Variants in PGPEP1 observed in about 807,000 individuals in gnomAD.
PGPEP1 encodes the protein pyroglutamyl-peptidase 1.
Under a neutral mutation model 24.1 loss-of-function variants are expected in PGPEP1, and 15 were observed. The observed-to-expected ratio is 0.62, with a 90% CI of 0.42 to 0.96. The LOEUF is 0.96. Among genes scored for constraint, PGPEP1 ranks in the 40% least tolerant of loss-of-function variants. The pLI, the probability that PGPEP1 is intolerant of heterozygous loss-of-function variation, is 0.00. For synonymous variants in PGPEP1, 122 were observed against 116.4 expected (o/e 1.05, Z -0.31); for missense variants, 242 against 273.4 (o/e 0.89, Z 0.81).
Position 18,340,643 on chromosome 19 carries a change from C to T in PGPEP1, c.-39C>T, listed in dbSNP as rs754292740. ...CAGCGGCAGCAGCTGTCGCGCCAGTCGCAACAGAAGCAGGTCCGAGGCACA... is the reference window on the plus strand; with the variant it reads ...CAGCGGCAGCAGCTGTCGCGCCAGTTGCAACAGAAGCAGGTCCGAGGCACA... On this transcript the variant is annotated 5_prime_UTR_variant, in exon 1 of 5. Transcript: ENST00000269919. The T allele has an allele frequency of 1.3e-6, 2 of 1,520,198 alleles. No homozygotes were observed. Among genetic ancestry groups the T allele is most frequent in the Non-Finnish European group, 1.8e-6 (2 of 1,137,246 alleles). The allele number at this position is 1,520,198 out of a possible 1,614,324, so 94.2% of individuals were successfully genotyped here. A position where few individuals can be genotyped will look rare whatever the true frequency, so the allele number is the denominator to read the frequency against.
chr19:18,342,954 C>A (rs1006009272), intron 2 of PGPEP1, 43 bp downstream of exon 2: 25 of 1,487,344 alleles, frequency 1.7e-5, no homozygotes, highest in Non-Finnish European at 2.3e-5. Flanking sequence ...TGGAGCTGGG[C>A]ACACCCCAGA....
chr19:18,351,614 AACT>A (rs1336064781), intron 2 of PGPEP1, among the ~76,000 whole-genome samples: 2 of 146,084 alleles, frequency 1.4e-5, no homozygotes, highest in Non-Finnish European at 3.0e-5. Flanking sequence ...ACAAAAGCAA[AACT>A]CCGTCTCAAA....
intron 4 of PGPEP1, among the ~76,000 whole-genome samples, chr19:18,363,105 G>A (rs1355761630): frequency 1.4e-5 from 2 of 147,154 alleles, no homozygotes; most frequent in Non-Finnish European, 3.0e-5. Context: ...CACCCAGGCT[G>A]AGTGCAGTGG....
Position 18,366,129 on chromosome 19 carries a change from T to C in PGPEP1, c.*2546T>C, listed in dbSNP as rs1406157157. The C allele has an allele frequency of 1.3e-5, 2 of 152,184 alleles. No homozygotes were observed. Among genetic ancestry groups the C allele is most frequent in the East Asian group, 1.9e-4 (1 of 5,194 alleles). The allele number at this position is 152,184 out of a possible 1,614,324, so 9.4% of individuals were successfully genotyped here. A position where few individuals can be genotyped will look rare whatever the true frequency, so the allele number is the denominator to read the frequency against. The stretch of plus-strand genomic sequence containing the variant: ...AGCAACTTCAGGTTTCATCTTGCTC[T>C]ATTCCTCAAAGGTCTGGTCTGTGGG... On this transcript the variant is annotated 3_prime_UTR_variant, in exon 5 of 5. Transcript: ENST00000269919.
At chr19:18,360,855 C>T (rs1309338978) in intron 4 of PGPEP1, among the ~76,000 whole-genome samples, 2 of 151,704 alleles carry the variant, frequency 1.3e-5, no homozygotes, top group African/African-American at 4.8e-5. Flanking sequence ...TTTTTTGAGA[C>T]TGCGTCTAGC....
rs145723045 is a variant in PGPEP1, at chr19:18,357,528, A to G, written c.350A>G (p.Asp117Gly). The G allele has an allele frequency of 1.0e-4, 168 of 1,613,072 alleles. No homozygotes were observed. The highest frequency in any genetic ancestry group is 1.3e-4 in the Non-Finnish European group (155 of 1,179,674). The change falls in exon 4 of 5, where the codon GAC (aspartate) becomes GGC (glycine). Residue 117 changes from aspartate (D) to glycine (G), a missense_variant. Asp to Gly is a moderately conservative substitution (Grantham distance 94). Coordinates refer to ENST00000269919, the MANE Select transcript of PGPEP1 (RefSeq NM_017712.4). ...CCVEDGPESI[D>G]SIIDMDAVCK... ...GTGGAGGACGGGCCTGAAAGCATTGACTCCATCATCGACATGGATGCTGTG... is the reference window on the plus strand; with the variant it reads ...GTGGAGGACGGGCCTGAAAGCATTGGCTCCATCATCGACATGGATGCTGTG...
intron 1 of PGPEP1, among the ~76,000 whole-genome samples, chr19:18,342,651 A>T (rs1292213842): frequency 6.6e-6 from 1 of 152,136 alleles, no homozygotes; most frequent in East Asian, 1.9e-4. Flanking sequence ...GAAGGGACTC[A>T]TTGACTTCAG....
At chr19:18,348,426 A>T (rs1004327170) in intron 2 of PGPEP1, among the ~76,000 whole-genome samples, 1 of 152,062 alleles carries the variant, frequency 6.6e-6, no homozygotes. Context: ...TGTCAGGTAG[A>T]TGGGGTGTAG....
chr19:18,362,625 G>A (rs1487515011), intron 4 of PGPEP1, among the ~76,000 whole-genome samples: 6 of 151,812 alleles, frequency 4.0e-5, no homozygotes, highest in African/African-American at 1.5e-4. Flanking sequence ...CTACTCGGGA[G>A]GCTGAAGCAG....
At chr19:18,346,812 G>A (rs2144536228) in intron 2 of PGPEP1, among the ~76,000 whole-genome samples, 1 of 149,808 alleles carries the variant, frequency 6.7e-6, no homozygotes, top group African/African-American at 2.5e-5. Flanking sequence ...AGCTAATTTT[G>A]TATTTTTAGT....
At chr19:18,351,911 A>G (rs1393037101) in intron 2 of PGPEP1, among the ~76,000 whole-genome samples, 1 of 151,928 alleles carries the variant, frequency 6.6e-6, no homozygotes, top group Admixed American at 6.6e-5. Context: ...TGATCACTTG[A>G]TCTCAGGAAT....
intron 2 of PGPEP1, among the ~76,000 whole-genome samples, chr19:18,346,970 C>CCTCTCGTCTCTTTCTGCCTCTCT (rs2144536816): frequency 6.6e-6 from 1 of 151,750 alleles, no homozygotes; most frequent in African/African-American, 2.4e-5. Flanking sequence ...TCTTCCTCTC[C>CCTCTCGTCTCTTTCTGCCTCTCT]CTCTCGTCTC....
intron 4 of PGPEP1, among the ~76,000 whole-genome samples, chr19:18,358,549 T>C (rs1381950799): frequency 1.4e-5 from 2 of 142,762 alleles, no homozygotes; most frequent in Non-Finnish European, 3.1e-5. Context: ...CATGAGCCAC[T>C]GCGCCCAGCC....
chr19:18,347,895 G>A (rs984453617), intron 2 of PGPEP1, among the ~76,000 whole-genome samples: 13 of 152,164 alleles, frequency 8.5e-5, no homozygotes, highest in African/African-American at 3.1e-4. Flanking sequence ...GCCTCCCAAA[G>A]TGCTGGGATT....
At position 18,341,363 on chromosome 19, in the gene PGPEP1, C is replaced by G. The variant is rs569451617; in HGVS notation, c.34+648C>G. Among the ~76,000 whole-genome samples the G allele has an allele frequency of 1.4e-4, 21 of 152,296 alleles. No individual in the cohort carries two copies. In the East Asian group the frequency reaches 2.1e-3, roughly 15 times the overall value. ...GCCCCTGCTGTCACCGACTCCCCCC[C>G]ACCCCCAAACCAACTGTTTCTCCTC... On this transcript the variant is annotated intron_variant, in intron 1 of 4. Coordinates refer to ENST00000269919, the MANE Select transcript of PGPEP1 (RefSeq NM_017712.4).
chr19:18,363,675 T>G lies in PGPEP1; in HGVS notation c.*92T>G. 7 of 883,344 alleles carry G rather than the reference T, an allele frequency of 7.9e-6. No homozygotes were observed. The highest frequency in any genetic ancestry group is 1.7e-5 in the African/African-American group (1 of 60,052). The allele number at this position is 883,344 out of a possible 1,614,324, so 54.7% of individuals were successfully genotyped here. A position where few individuals can be genotyped will look rare whatever the true frequency, so the allele number is the denominator to read the frequency against. ...GGTGTGGCCAGGAAAAGACAAGCTC[T>G]TCAGCTTGGGGATCCGATCTGGAAG... On this transcript the variant is annotated 3_prime_UTR_variant, in exon 5 of 5. Coordinates refer to ENST00000269919, the MANE Select transcript of PGPEP1 (RefSeq NM_017712.4).
intron 4 of PGPEP1, among the ~76,000 whole-genome samples, chr19:18,360,620 G>A (rs1267931899): frequency 6.6e-6 from 1 of 151,908 alleles, no homozygotes; most frequent in African/African-American, 2.4e-5. Flanking sequence ...CACCTCCCGG[G>A]TTCAAGCGAT....
chr19:18,354,428 G>A (rs2144558724), intron 2 of PGPEP1, among the ~76,000 whole-genome samples: 1 of 152,262 alleles, frequency 6.6e-6, no homozygotes, highest in African/African-American at 2.4e-5. Context: ...CCGGGAGGCG[G>A]AGCTTGCAGT....
intron 4 of PGPEP1, among the ~76,000 whole-genome samples, chr19:18,360,430 C>T (rs888575482): frequency 6.6e-6 from 1 of 152,138 alleles, no homozygotes; most frequent in African/African-American, 2.4e-5. Flanking sequence ...AATCACAGCT[C>T]ATTGCAGCCT....
Sources: gnomAD v4.1 joint callset for allele counts (sites outside exome capture counted in the v4.1 genomes callset) on GRCh38, gnomAD v4.1.1 for gene constraint, MANE v1.5 for transcripts, NCBI Gene and HGNC (gene_info 2026-07-23, HGNC 2026-07-21) for gene names.